RIMS2: variants seen among roughly 807,000 people sequenced by gnomAD.
The protein encoded by RIMS2 is regulating synaptic membrane exocytosis protein 2.
A neutral mutation model predicts 174.4 loss-of-function variants in RIMS2; 59 were observed. The ratio of observed to expected loss-of-function variants is 0.34; its 90% CI spans 0.27 to 0.42. The LOEUF is 0.42. Among genes scored for constraint, RIMS2 ranks in the 10% least tolerant of loss-of-function variants. The probability of loss-of-function intolerance (pLI) is 1.00; values close to 1 mark genes in which losing one functional copy is unlikely to be tolerated. For missense variants in RIMS2, 1,620 were observed against 1,666.3 expected (o/e 0.97, Z 0.48); for synonymous variants, 606 against 572.5 (o/e 1.06, Z -0.84).
chr8:103,841,812 G>A (rs987251860), intron 3 of RIMS2, among the ~76,000 whole-genome samples: 1 of 151,974 alleles, frequency 6.6e-6, no homozygotes, highest in African/African-American at 2.4e-5. Flanking sequence ...AAAAGTAGCC[G>A]GGTGTGATGG....
chr8:103,545,740 G>T (rs1231825761), intron 1 of RIMS2, among the ~76,000 whole-genome samples: 1 of 152,122 alleles, frequency 6.6e-6, no homozygotes, highest in Non-Finnish European at 1.5e-5. Context: ...TTAAAGAAAA[G>T]AAATTCCAAT....
In RIMS2 at chr8:103,916,112, A is replaced by C. The variant is rs142667518; in HGVS notation, c.1913-302A>C. On this transcript the variant is annotated intron_variant, in intron 7 of 23. Coordinates refer to ENST00000504942, the Ensembl canonical transcript of RIMS2. ...ATTGAGAAACCTGGAGTATAGAGTCATAAAATCTTTAAGGAGGCAACTGAT... is the reference window on the plus strand; with the variant it reads ...ATTGAGAAACCTGGAGTATAGAGTCCTAAAATCTTTAAGGAGGCAACTGAT... 1.8e-3 allele frequency among the ~76,000 whole-genome samples: 267 copies of C among 152,202 alleles called. 2 individuals carry two copies. Among genetic ancestry groups the C allele is most frequent in the African/African-American group, 5.9e-3 (244 of 41,586 alleles).
At chr8:103,677,711 G>C (rs887254615) in intron 1 of RIMS2, among the ~76,000 whole-genome samples, 4 of 152,100 alleles carry the variant, frequency 2.6e-5, no homozygotes, top group African/African-American at 7.2e-5. Flanking sequence ...AAATTTAACA[G>C]TTTAATTGAG....
At chr8:103,801,721 G>C (rs542430900) in intron 3 of RIMS2, among the ~76,000 whole-genome samples, 1 of 152,202 alleles carries the variant, frequency 6.6e-6, no homozygotes, top group Non-Finnish European at 1.5e-5. Flanking sequence ...TTGCCTTTTA[G>C]TCTGCTATCC....
chr8:103,724,112 G>A (rs926183449), intron 2 of RIMS2, among the ~76,000 whole-genome samples: 7 of 151,504 alleles, frequency 4.6e-5, no homozygotes, highest in Non-Finnish European at 1.0e-4. Flanking sequence ...ATGTGAGGGA[G>A]GGGTGATGTA....
rs147704582 is a variant in RIMS2 at position 104,103,526 on chromosome 8, G to C, written c.3334+88911G>C. On this transcript the variant is annotated intron_variant, in intron 19 of 23. Transcript: ENST00000504942. ...CAATATTTTGTTTAGGGTTTAGTTT[G>C]TCAAGCATATTTTCTTTTATTCTAA... is the stretch of plus-strand genomic sequence containing the variant. Among the ~76,000 whole-genome samples the C allele has an allele frequency of 2.0e-3, 308 of 152,142 alleles. 1 individual carries two copies. The highest frequency in any genetic ancestry group is 3.7e-3 in the Non-Finnish European group (252 of 67,976).
At chr8:104,227,681 G>A (rs1290414073) in intron 19 of RIMS2, among the ~76,000 whole-genome samples, 1 of 152,068 alleles carries the variant, frequency 6.6e-6, no homozygotes, top group Non-Finnish European at 1.5e-5. Flanking sequence ...AGTGATTCTT[G>A]TTTAATTATG....
At chr8:103,891,397 G>A (rs755272453) in intron 4 of RIMS2, among the ~76,000 whole-genome samples, 1 of 151,936 alleles carries the variant, frequency 6.6e-6, no homozygotes, top group East Asian at 1.9e-4. Context: ...TGGTTTCAGT[G>A]GCGAATTAAT....
At chr8:104,053,387 A>G (rs774538140) in intron 19 of RIMS2, among the ~76,000 whole-genome samples, 2 of 152,184 alleles carry the variant, frequency 1.3e-5, no homozygotes, top group Non-Finnish European at 2.9e-5. Context: ...CACTTAAAAA[A>G]CTTGGAATGA....
chr8:103,678,983 C>G lies in RIMS2; in HGVS notation c.177-18103C>G, dbSNP rs567331276. ...AGATGTCAATTATCCTAAAAGTAAT[C>G]TATAAATATAATGCAATTTTAATAA... On this transcript the variant is annotated intron_variant, in intron 1 of 23. Coordinates refer to ENST00000504942, the Ensembl canonical transcript of RIMS2. Among the ~76,000 whole-genome samples, 11 of 151,918 alleles carry G rather than the reference C, an allele frequency of 7.2e-5. No homozygotes were observed. In the East Asian group the frequency reaches 1.9e-3, roughly 27 times the overall value.
intron 19 of RIMS2, among the ~76,000 whole-genome samples, chr8:104,231,137 G>A (rs551144631): frequency 1.3e-4 from 19 of 151,986 alleles, no homozygotes; most frequent in Non-Finnish European, 2.6e-4. Flanking sequence ...GGTAGTTTGG[G>A]ACACGTGAGC....
At chr8:104,065,440 T>G (rs994817604) in intron 19 of RIMS2, among the ~76,000 whole-genome samples, 2 of 152,138 alleles carry the variant, frequency 1.3e-5, no homozygotes, top group Admixed American at 6.6e-5. Context: ...TTTTCTTAGA[T>G]AGAGCAAAGG....
intron 1 of RIMS2, among the ~76,000 whole-genome samples, chr8:103,638,304 C>A (rs1171320662): frequency 6.6e-6 from 1 of 151,826 alleles, no homozygotes; most frequent in African/African-American, 2.4e-5. Flanking sequence ...GCAAATATTG[C>A]TTCTCCTTTA....
chr8:103,789,975 C>G lies in RIMS2; in HGVS notation c.698+23438C>G, dbSNP rs73291897. ...TGGCATCTCTCTAGCCTGTTTAGGC[C>G]GATCTCAAACTCCTGAGCTCAAGTG... On this transcript the variant is annotated intron_variant, in intron 3 of 23. Coordinates refer to ENST00000504942, the Ensembl canonical transcript of RIMS2. 5.0e-3 allele frequency among the ~76,000 whole-genome samples: 761 copies of G among 151,992 alleles called. 8 individuals are homozygous for G. The highest frequency in any genetic ancestry group is 0.017 in the African/African-American group (722 of 41,462).
At chr8:104,207,819 A>AT (rs1563758265) in intron 19 of RIMS2, among the ~76,000 whole-genome samples, 1 of 149,526 alleles carries the variant, frequency 6.7e-6, no homozygotes, top group African/African-American at 2.4e-5. Context: ...TTCTCAAAAA[A>AT]ATATATATAT....
intron 1 of RIMS2, among the ~76,000 whole-genome samples, chr8:103,590,822 A>C (rs1303383527): frequency 1.3e-5 from 2 of 151,136 alleles, no homozygotes; most frequent in Non-Finnish European, 3.0e-5. Flanking sequence ...GTATCAGATA[A>C]ATTTTTAGGA....
At chr8:103,829,511 C>T (rs776463678) in intron 3 of RIMS2, among the ~76,000 whole-genome samples, 23 of 152,238 alleles carry the variant, frequency 1.5e-4, no homozygotes, top group Non-Finnish European at 2.6e-4. Flanking sequence ...ACACATACAT[C>T]ATGAAATATA....
chr8:103,947,551 ATTTG>A (rs1172547595), intron 14 of RIMS2, among the ~76,000 whole-genome samples: 5 of 152,234 alleles, frequency 3.3e-5, no homozygotes, highest in Non-Finnish European at 2.9e-5. Flanking sequence ...AATGATAAGT[ATTTG>A]TTTATCTAAA....
chr8:103,667,898 C>T (rs2096693407), intron 1 of RIMS2, among the ~76,000 whole-genome samples: 2 of 152,050 alleles, frequency 1.3e-5, no homozygotes, highest in South Asian at 4.2e-4. Context: ...GTTCACAGTC[C>T]CACAGTTTTG....
Sources: gnomAD v4.1 joint callset for allele counts (sites outside exome capture counted in the v4.1 genomes callset) on GRCh38, gnomAD v4.1.1 for gene constraint, MANE v1.5 for transcripts, NCBI Gene and HGNC (gene_info 2026-07-23, HGNC 2026-07-21) for gene names.